The following MLLT3 variants were observed in gnomAD, a reference collection of about 807,000 sequenced individuals.
MLLT3 encodes MLLT3 super elongation complex subunit, also known as protein AF-9.
Under a neutral mutation model 53.2 loss-of-function variants are expected in MLLT3, and 4 were observed. The ratio of observed to expected loss-of-function variants is 0.08; its 90% CI spans 0.04 to 0.17. The LOEUF (loss-of-function observed/expected upper bound fraction) is 0.17, where lower values mean the gene tolerates loss of function less well. Ranked by LOEUF, MLLT3 falls within the 10% of genes least tolerant of loss-of-function variation. MLLT3 has a pLI of 1.00. For synonymous variants in MLLT3, 283 were observed against 230.6 expected (o/e 1.23, Z -2.06); for missense variants, 569 against 684.0 (o/e 0.83, Z 1.87).
chr9:20,372,221 G>C lies in MLLT3; in HGVS notation c.1126-6477C>G, dbSNP rs143432349. On this transcript the variant is annotated intron_variant, in intron 5 of 10. Coordinates refer to ENST00000380338, the MANE Select transcript of MLLT3 (RefSeq NM_004529.4). ...AAAATGCTAGGAACATTGTTGAAAC[G>C]ACAATAAAGAATTTAGAATATTATA... Among the ~76,000 whole-genome samples the C allele has an allele frequency of 6.6e-5, 10 of 152,156 alleles. 1 individual carries two copies. Among genetic ancestry groups the C allele is most frequent in the Non-Finnish European group, 1.3e-4 (9 of 68,034 alleles).
rs533547034 is a variant in MLLT3 at position 20,566,813 on chromosome 9, G to A, written c.193+53841C>T. On this transcript the variant is annotated intron_variant, in intron 2 of 10. Transcript: ENST00000380338. ...TAAGAAGGAGGAAAAAGGGTAGAGGGCATCTGAACCTAGGGCTCCAGGTGG... is the reference window on the plus strand; with the variant it reads ...TAAGAAGGAGGAAAAAGGGTAGAGGACATCTGAACCTAGGGCTCCAGGTGG... Among the ~76,000 whole-genome samples the A allele has an allele frequency of 1.8e-4, 28 of 152,228 alleles. 1 individual carries two copies. The highest frequency in any genetic ancestry group is 6.3e-4 in the African/African-American group (26 of 41,538).
At chr9:20,525,160 A>C (rs1298791968) in intron 2 of MLLT3, among the ~76,000 whole-genome samples, 1 of 151,912 alleles carries the variant, frequency 6.6e-6, no homozygotes, top group Non-Finnish European at 1.5e-5. Flanking sequence ...AGGCGTGAAA[A>C]AAGTAGCTAG....
chr9:20,523,259 T>A (rs1818115223), intron 2 of MLLT3, among the ~76,000 whole-genome samples: 1 of 152,230 alleles, frequency 6.6e-6, no homozygotes, highest in South Asian at 2.1e-4. Context: ...GAACTCTCAT[T>A]CATTGCTGGT....
chr9:20,448,127 C>A lies in MLLT3; in HGVS notation c.416G>T (p.Gly139Val). ...TCACAAGAGAGTGCCACTTACCCCT[C>A]CTGCCTTCAGCAACTTTCTCCTAAA... The part of the protein sequence containing the change: ...EDFRRKLLKA[G>V]GDPNRSIHTS... Residue 139 changes from glycine (G) to valine (V), a missense_variant, in exon 4 of 11, where the codon GGA becomes GTA. This residue lies in a region of MLLT3 where 39 missense variants were observed against 68.8 expected (regional missense o/e 0.57). Coordinates refer to ENST00000380338, the MANE Select transcript of MLLT3 (RefSeq NM_004529.4). The surrounding 1 kb of genome is among the most constrained non-coding windows in gnomAD (Gnocchi z 4.0). 1 of 1,612,604 alleles carries A rather than the reference C, an allele frequency of 6.2e-7. No individual in the cohort carries two copies.
At chr9:20,608,952 T>C (rs987944020) in intron 2 of MLLT3, among the ~76,000 whole-genome samples, 2 of 152,030 alleles carry the variant, frequency 1.3e-5, no homozygotes, top group Non-Finnish European at 2.9e-5. Context: ...ATCTATCACA[T>C]ACTTCTCAAA....
intron 2 of MLLT3, among the ~76,000 whole-genome samples, chr9:20,473,599 T>C (rs1177041503): frequency 6.6e-6 from 1 of 152,024 alleles, no homozygotes; most frequent in Non-Finnish European, 1.5e-5. Context: ...TTTTCATTGG[T>C]TGGTAAAGAA....
At chr9:20,369,013 T>TA (rs1563939524) in intron 5 of MLLT3, among the ~76,000 whole-genome samples, 1 of 152,144 alleles carries the variant, frequency 6.6e-6, no homozygotes. Flanking sequence ...GAGGACTTGT[T>TA]AAAACACAGC....
chr9:20,503,142 G>A (rs1366159302), intron 2 of MLLT3, among the ~76,000 whole-genome samples: 5 of 152,128 alleles, frequency 3.3e-5, no homozygotes, highest in African/African-American at 4.8e-5. Flanking sequence ...GTGATCTACA[G>A]ATTCCCCAAT....
At chr9:20,397,411 C>A (rs184781572) in intron 5 of MLLT3, among the ~76,000 whole-genome samples, 1 of 152,194 alleles carries the variant, frequency 6.6e-6, no homozygotes, top group East Asian at 1.9e-4. Context: ...AGCTAGCACC[C>A]ACCAGCGATT....
intron 5 of MLLT3, among the ~76,000 whole-genome samples, chr9:20,369,529 A>ACAC (rs1274571261): frequency 1.5e-4 from 23 of 152,310 alleles, no homozygotes; most frequent in African/African-American, 5.5e-4. Flanking sequence ...TGTGGGGGAG[A>ACAC]CACCTTAAAC....
At position 20,381,081 on chromosome 9, in the gene MLLT3, A is replaced by C. The variant is rs139235235; in HGVS notation, c.1126-15337T>G. On this transcript the variant is annotated intron_variant, in intron 5 of 10. Coordinates refer to ENST00000380338, the MANE Select transcript of MLLT3 (RefSeq NM_004529.4). Reference sequence around the variant, plus strand: ...ACTCTTCCTAGAATAAAAGGAACTTATTATGATCAGCTTCTGTTTTCTCTG... The same window carrying C: ...ACTCTTCCTAGAATAAAAGGAACTTCTTATGATCAGCTTCTGTTTTCTCTG... Among the ~76,000 whole-genome samples the C allele has an allele frequency of 2.7e-3, 406 of 152,082 alleles. 1 individual carries two copies. Among genetic ancestry groups the C allele is most frequent in the African/African-American group, 8.7e-3 (362 of 41,554 alleles).
chr9:20,468,888 CTG>C (rs991686560), intron 2 of MLLT3, among the ~76,000 whole-genome samples: 1 of 152,106 alleles, frequency 6.6e-6, no homozygotes, highest in Non-Finnish European at 1.5e-5. Flanking sequence ...GATCAGGAAA[CTG>C]AGACAAAACA....
chr9:20,564,130 G>A (rs573704461), intron 2 of MLLT3, among the ~76,000 whole-genome samples: 1 of 152,170 alleles, frequency 6.6e-6, no homozygotes, highest in East Asian at 1.9e-4. Flanking sequence ...CAAATTAGCA[G>A]GTAATATATC....
intron 10 of MLLT3, 80 bp from the exon 11 acceptor site, chr9:20,346,654 C>A (rs1820878222): frequency 4.5e-6 from 6 of 1,344,664 alleles, no homozygotes; most frequent in Non-Finnish European, 6.2e-6. Context: ...GAGGGGCGAT[C>A]AAATATGGAA....
chr9:20,418,523 T>A (rs996258214), intron 4 of MLLT3: 1 of 152,230 alleles, frequency 6.6e-6, no homozygotes, highest in African/African-American at 2.4e-5. Flanking sequence ...CAGCAGGCAG[T>A]GGCCTGAAGA....
intron 8 of MLLT3, among the ~76,000 whole-genome samples, chr9:20,355,685 A>G (rs1821155615): frequency 6.6e-6 from 1 of 152,252 alleles, no homozygotes; most frequent in Non-Finnish European, 1.5e-5. Flanking sequence ...TAAATTTATA[A>G]ATGATGAGTG....
chr9:20,599,688 G>A (rs1820368435), intron 2 of MLLT3, among the ~76,000 whole-genome samples: 1 of 152,088 alleles, frequency 6.6e-6, no homozygotes, highest in Non-Finnish European at 1.5e-5. Flanking sequence ...TCTTAGTTAT[G>A]CCACTCTAAA....
At chr9:20,387,553 A>T (rs1055560065) in intron 5 of MLLT3, among the ~76,000 whole-genome samples, 16 of 152,316 alleles carry the variant, frequency 1.1e-4, no homozygotes, top group African/African-American at 3.6e-4. Flanking sequence ...TGGCAGCTAA[A>T]CAATTTTATC....
intron 2 of MLLT3, among the ~76,000 whole-genome samples, chr9:20,569,350 C>T (rs960764827): frequency 6.6e-6 from 1 of 152,100 alleles, no homozygotes; most frequent in East Asian, 1.9e-4. Flanking sequence ...TTTCGAGACC[C>T]AGAAAGCCTC....
Sources: allele counts gnomAD v4.1 joint callset (sites outside exome capture counted in the v4.1 genomes callset), GRCh38; gene constraint gnomAD v4.1.1; regional missense constraint gnomAD v4.1.1; non-coding constraint Gnocchi (gnomAD v3.1); transcripts MANE v1.5; gene names NCBI Gene and HGNC (gene_info 2026-07-23, HGNC 2026-07-21).